The following RNASET2 variants were observed in gnomAD, a reference collection of about 807,000 sequenced individuals.
RNASET2 encodes the protein ribonuclease 6.
RNASET2 carries 28 observed loss-of-function variants against 33.9 expected under a neutral mutation model. The ratio of observed to expected loss-of-function variants is 0.83; its 90% CI spans 0.61 to 1.13. The LOEUF (loss-of-function observed/expected upper bound fraction) is 1.13, where lower values mean the gene tolerates loss of function less well. RNASET2 is among the 50% of genes most tolerant of loss of function. RNASET2 has a pLI of 0.00. For missense variants in RNASET2, 330 were observed against 319.9 expected, an observed-to-expected ratio of 1.03 and a Z score of -0.24; for synonymous variants, 123 against 121.0, an observed-to-expected ratio of 1.02 and a Z score of -0.11.
chr6:166,953,431 A>T (rs1164468979), intron 1 of RNASET2: 1 of 152,260 alleles, frequency 6.6e-6, no homozygotes. Context: ...CTTCAGGATA[A>T]ATCAAATTTT....
rs1247156162 is a variant in RNASET2 at position 166,928,074 on chromosome 6, A to G, written c.*1514T>C. Reference sequence around the variant, plus strand: ...AGCTCCTCCATTACAGAAGAGACAAAATACAGGGACTGCTTCCATCAAATC... The same window carrying G: ...AGCTCCTCCATTACAGAAGAGACAAGATACAGGGACTGCTTCCATCAAATC... On this transcript the variant is annotated 3_prime_UTR_variant, in exon 9 of 9. Transcript: ENST00000508775. 6.6e-6 allele frequency among the ~76,000 whole-genome samples: 1 copy of G among 152,150 alleles called. No homozygotes were observed. Among genetic ancestry groups the G allele is most frequent in the Non-Finnish European group, 1.5e-5 (1 of 68,028 alleles).
chr6:166,955,215 ACACACGCG>A lies in RNASET2; in HGVS notation c.86+874_86+881del, dbSNP rs1471879789. Among the ~76,000 whole-genome samples the A allele has an allele frequency of 7.6e-3, 673 of 88,266 alleles. 6 individuals carry two copies. The highest frequency in any genetic ancestry group is 9.3e-3 in the Non-Finnish European group (471 of 50,640). 57.9% of individuals were successfully genotyped at this position (88,266 alleles called of 152,430 possible). On this transcript the variant is annotated intron_variant, in intron 1 of 8. Coordinates refer to ENST00000508775, the MANE Select transcript of RNASET2 (RefSeq NM_003730.6). ...CACACACGCACGCACACACGCACGCACACACGCGCACACACGCACGCACGCACACACAC... is the reference window on the plus strand; with the variant it reads ...CACACACGCACGCACACACGCACGCACACACACGCACGCACGCACACACAC...
At chr6:166,950,481 T>C (rs779642937) in intron 2 of RNASET2, among the ~76,000 whole-genome samples, 5 of 152,146 alleles carry the variant, frequency 3.3e-5, no homozygotes, top group East Asian at 1.9e-4. Context: ...GAAAAATCAG[T>C]GAGGAAGTAG....
In RNASET2 at chr6:166,955,221, G is replaced by GACACACACACGCGCACACACGACACACA. The variant is rs1779089115; in HGVS notation, c.86+875_86+876insTGTGTGTCGTGTGTGCGCGTGTGTGTGT. 2.1e-5 allele frequency among the ~76,000 whole-genome samples: 2 copies of GACACACACACGCGCACACACGACACACA among 93,996 alleles called. 1 individual carries two copies. Among genetic ancestry groups the GACACACACACGCGCACACACGACACACA allele is most frequent in the African/African-American group, 9.7e-5 (2 of 20,656 alleles). The allele number at this position is 93,996 out of a possible 152,430, so 61.7% of individuals were successfully genotyped here. On this transcript the variant is annotated intron_variant, in intron 1 of 8. Coordinates refer to ENST00000508775, the MANE Select transcript of RNASET2 (RefSeq NM_003730.6). ...CGCACGCACACACGCACGCACACAC[G>GACACACACACGCGCACACACGACACACA]CGCACACACGCACGCACGCACACAC...
rs1330225580 is a variant in RNASET2 at position 166,928,437 on chromosome 6, T to C, written c.*1151A>G. On this transcript the variant is annotated 3_prime_UTR_variant, in exon 9 of 9. Transcript: ENST00000508775. ...AAAGCCGAATATTCACAGGCATTGA[T>C]ACAGCTGTTTTTTTTTTTTTTGTAA... Among the ~76,000 whole-genome samples the C allele has an allele frequency of 8.0e-6, 1 of 125,222 alleles. No individual in the cohort carries two copies. Among genetic ancestry groups the C allele is most frequent in the East Asian group, 2.6e-4 (1 of 3,826 alleles). 82.2% of individuals were successfully genotyped at this position (125,222 alleles called of 152,430 possible). A position where few individuals can be genotyped will look rare whatever the true frequency, so the allele number is the denominator to read the frequency against.
chr6:166,931,532 AC>A (rs548953541), intron 7 of RNASET2: 91 of 224,202 alleles, frequency 4.1e-4, no homozygotes, highest in Admixed American at 1.4e-3. Flanking sequence ...CTCTCTCCCG[AC>A]CCCCTCCCCA....
At chr6:166,949,101 C>T (rs111880884) in intron 2 of RNASET2, among the ~76,000 whole-genome samples, 4 of 148,884 alleles carry the variant, frequency 2.7e-5, no homozygotes, top group African/African-American at 9.9e-5. Context: ...ATAGTCACTA[C>T]TACTCAGGAG....
intron 6 of RNASET2, among the ~76,000 whole-genome samples, chr6:166,937,574 C>T (rs1243701493): frequency 1.3e-5 from 2 of 152,160 alleles, no homozygotes; most frequent in Non-Finnish European, 2.9e-5. Context: ...AAATTATATA[C>T]ACAAACTATA....
chr6:166,946,919 G>C (rs1018913718), intron 3 of RNASET2, 180 bp from the exon 4 acceptor site: 10 of 668,330 alleles, frequency 1.5e-5, no homozygotes, highest in Admixed American at 6.9e-5. Context: ...AGAGGAGTCA[G>C]AGTTCAAATT....
In RNASET2 at chr6:166,925,506, A is replaced by C. The variant is rs1424591282; in HGVS notation, c.*4082T>G. Reference sequence around the variant, plus strand: ...CCCTCACCTCCCCTGTCCAGCCCTCACCTCCCCGGTCCAGCCCTTGCCTCC... The same window carrying C: ...CCCTCACCTCCCCTGTCCAGCCCTCCCCTCCCCGGTCCAGCCCTTGCCTCC... On this transcript the variant is annotated 3_prime_UTR_variant, in exon 9 of 9. Coordinates refer to ENST00000508775, the MANE Select transcript of RNASET2 (RefSeq NM_003730.6). Among the ~76,000 whole-genome samples the C allele has an allele frequency of 6.8e-6, 1 of 147,472 alleles. No individual in the cohort carries two copies. Among genetic ancestry groups the C allele is most frequent in the Non-Finnish European group, 1.5e-5 (1 of 66,762 alleles).
chr6:166,929,408 G>T lies in RNASET2; in HGVS notation c.*180C>A. ...AAAACAGCCACTCAGGCGTGGGAGAGCTCCTTTCTCCCCGTGTACGCCACA... is the reference window on the plus strand; with the variant it reads ...AAAACAGCCACTCAGGCGTGGGAGATCTCCTTTCTCCCCGTGTACGCCACA... On this transcript the variant is annotated 3_prime_UTR_variant, in exon 9 of 9. Coordinates refer to ENST00000508775, the MANE Select transcript of RNASET2 (RefSeq NM_003730.6). The T allele has an allele frequency of 1.4e-6, 1 of 698,916 alleles. No homozygotes were observed. Among genetic ancestry groups the T allele is most frequent in the Non-Finnish European group, 2.5e-6 (1 of 399,010 alleles). The allele number at this position is 698,916 out of a possible 1,614,324, so 43.3% of individuals were successfully genotyped here.
intron 3 of RNASET2, among the ~76,000 whole-genome samples, chr6:166,947,541 T>C (rs1778877757): frequency 6.6e-6 from 1 of 152,152 alleles, no homozygotes; most frequent in African/African-American, 2.4e-5. Flanking sequence ...ACGGCCATGA[T>C]GGGCAGAGGT....
chr6:166,939,065 G>A (rs997152878), intron 5 of RNASET2, 57 bp from the exon 6 acceptor site: 19 of 1,260,896 alleles, frequency 1.5e-5, no homozygotes, highest in Non-Finnish European at 2.1e-5. Flanking sequence ...TGCGTGCAGT[G>A]GCTCATGCCT....
At chr6:166,934,420 C>G (rs1369890107) in intron 6 of RNASET2, 1 of 422,168 alleles carries the variant, frequency 2.4e-6, no homozygotes, top group African/African-American at 2.0e-5. Context: ...CCGAGTGGAG[C>G]TGGCACACAC....
At chr6:166,953,873 C>T (rs1779044539) in intron 1 of RNASET2, among the ~76,000 whole-genome samples, 1 of 140,624 alleles carries the variant, frequency 7.1e-6, no homozygotes, top group African/African-American at 3.0e-5. Context: ...CAGCCAGACC[C>T]TGTCTCAAAA....
In RNASET2 at chr6:166,931,077, C is replaced by T. The variant is rs763011032; in HGVS notation, c.534G>A (p.Val178=). 17 of 1,612,894 alleles carry T rather than the reference C, an allele frequency of 1.1e-5. No homozygotes were observed. The highest frequency in any genetic ancestry group is 1.7e-5 in the Admixed American group (1 of 60,034). Residue 178 remains valine (V), a synonymous_variant, in exon 8 of 9, where the codon GTG becomes GTA. Transcript: ENST00000508775. ...GTGGAAGGCACTGGATTTTGGGTAT[C>T]ACTCCATATACTCTGGCAAGGGCAT... is the stretch of plus-strand genomic sequence containing the variant. ...FKDALARVYG[V]IPKIQCLPPS...
rs947799069 is a variant in RNASET2 at position 166,925,604 on chromosome 6, G to C, written c.*3984C>G. Among the ~76,000 whole-genome samples the C allele has an allele frequency of 2.0e-5, 3 of 151,730 alleles. No homozygotes were observed. Among genetic ancestry groups the C allele is most frequent in the African/African-American group, 7.3e-5 (3 of 41,270 alleles). On this transcript the variant is annotated 3_prime_UTR_variant, in exon 9 of 9. Transcript: ENST00000508775. ...AGTCCTCACCTATGCCACATTGTCC[G>C]CATCTACACTGTACGGCCCTCCCCT...
chr6:166,955,308 G>GC lies in RNASET2; in HGVS notation c.86+788_86+789insG, dbSNP rs1365063969. On this transcript the variant is annotated intron_variant, in intron 1 of 8. Transcript: ENST00000508775. ...CACACACGCACAGACGCGCACACAC[G>GC]ACACACACGCACACACACGCACGCA... Among the ~76,000 whole-genome samples, 22 of 36,956 alleles carry GC rather than the reference G, an allele frequency of 6.0e-4. 1 individual carries two copies. The highest frequency in any genetic ancestry group is 8.4e-4 in the Non-Finnish European group (17 of 20,184). The allele number at this position is 36,956 out of a possible 152,430, so 24.2% of individuals were successfully genotyped here.
intron 5 of RNASET2, among the ~76,000 whole-genome samples, chr6:166,942,188 G>A (rs1332394809): frequency 6.6e-6 from 1 of 151,564 alleles, no homozygotes; most frequent in Non-Finnish European, 1.5e-5. Context: ...AAGTAGCTGG[G>A]ATTACAAGCG....
Sources: allele counts gnomAD v4.1 joint callset (sites outside exome capture counted in the v4.1 genomes callset), GRCh38; gene constraint gnomAD v4.1.1; transcripts MANE v1.5; gene names NCBI Gene and HGNC (gene_info 2026-07-23, HGNC 2026-07-21).